MXD1: variants seen among roughly 807,000 people sequenced by gnomAD.
MXD1 encodes MAX-binding protein.
Under a neutral mutation model 25.7 loss-of-function variants are expected in MXD1, and 9 were observed. The observed-to-expected ratio is 0.35, with a 90% CI of 0.21 to 0.61. The LOEUF is 0.61. Ranked by LOEUF, MXD1 falls within the 20% of genes least tolerant of loss-of-function variation. The pLI is 0.75. For synonymous variants in MXD1, 99 were observed against 113.9 expected (o/e 0.87, Z 0.83); for missense variants, 227 against 292.4 (o/e 0.78, Z 1.63).
intron 2 of MXD1, among the ~76,000 whole-genome samples, chr2:69,918,137 C>T (rs143310997): frequency 3.9e-5 from 6 of 152,286 alleles, no homozygotes; most frequent in East Asian, 1.9e-4. Context: ...TGGTTTGAAT[C>T]GGCTTTATAT....
At chr2:69,924,530 G>A (rs1221449230) in intron 3 of MXD1, among the ~76,000 whole-genome samples, 1 of 152,184 alleles carries the variant, frequency 6.6e-6, no homozygotes, top group Non-Finnish European at 1.5e-5. Context: ...TATTAGCATG[G>A]ATGCTTAAGA....
At chr2:69,917,217 G>A (rs868841533) in intron 2 of MXD1, among the ~76,000 whole-genome samples, 11 of 152,256 alleles carry the variant, frequency 7.2e-5, no homozygotes, top group Middle Eastern at 3.4e-3. Flanking sequence ...TTCTTGCTGC[G>A]TCTTCTGTAC....
At chr2:69,922,874 C>T (rs1210186169) in intron 3 of MXD1, among the ~76,000 whole-genome samples, 13 of 115,916 alleles carry the variant, frequency 1.1e-4, no homozygotes, top group African/African-American at 3.5e-4. Flanking sequence ...AGTGAGACTC[C>T]GTCTCAAAAA....
Position 69,937,252 on chromosome 2 carries a change from C to T in MXD1, c.336C>T (p.Asp112=), listed in dbSNP as rs1207689741. 3.7e-6 allele frequency: 6 copies of T among 1,613,884 alleles called. No individual in the cohort carries two copies. Among genetic ancestry groups the T allele is most frequent in the South Asian group, 2.2e-5 (2 of 91,046 alleles). ...KLHIKKLEDC[D]RKAVHQIDQL... ...ACTTGCAGAAACTTGAAGATTGTGA[C>T]AGAAAAGCCGTTCACCAAATCGACC... Residue 112 remains aspartate (D), a synonymous_variant, in exon 5 of 6, where the codon GAC becomes GAT. Transcript: ENST00000264444.
At chr2:69,918,068 TG>T (rs1252399886) in intron 2 of MXD1, among the ~76,000 whole-genome samples, 1 of 152,234 alleles carries the variant, frequency 6.6e-6, no homozygotes, top group Non-Finnish European at 1.5e-5. Context: ...ATGACTCATT[TG>T]GAATAGCTCC....
chr2:69,937,674 G>T (rs1677487024), intron 5 of MXD1, among the ~76,000 whole-genome samples: 2 of 152,188 alleles, frequency 1.3e-5, no homozygotes, highest in Admixed American at 1.3e-4. Context: ...GAGTGCAGTG[G>T]TGTGATCTTG....
At chr2:69,933,955 C>T (rs1677360292) in intron 3 of MXD1, among the ~76,000 whole-genome samples, 2 of 152,204 alleles carry the variant, frequency 1.3e-5, no homozygotes, top group Admixed American at 1.3e-4. Flanking sequence ...TTATCTAAAA[C>T]CTGAAGACTC....
chr2:69,935,741 C>T (rs1314863469), intron 4 of MXD1, among the ~76,000 whole-genome samples: 1 of 152,110 alleles, frequency 6.6e-6, no homozygotes, highest in African/African-American at 2.4e-5. Context: ...TATATCTAGG[C>T]CATCTCCAAG....
intron 3 of MXD1, among the ~76,000 whole-genome samples, chr2:69,925,180 G>A (rs1677146513): frequency 6.6e-6 from 1 of 151,984 alleles, no homozygotes; most frequent in African/African-American, 2.4e-5. Flanking sequence ...CATGGCCTGT[G>A]TTTCTCTGCA....
At chr2:69,935,192 T>C (rs1403963489) in intron 3 of MXD1, among the ~76,000 whole-genome samples, 159 bp from the exon 4 acceptor site, 9 of 152,050 alleles carry the variant, frequency 5.9e-5, no homozygotes, top group Admixed American at 5.9e-4. Flanking sequence ...TTCACCAGAG[T>C]TGTCTGGTTC....
Position 69,937,425 on chromosome 2 carries a change from C to T in MXD1, c.478+31C>T, listed in dbSNP as rs780808511. 7 of 1,557,172 alleles carry T rather than the reference C, an allele frequency of 4.5e-6. No homozygotes were observed. In the African/African-American group the frequency reaches 9.0e-5, roughly 20 times the overall value. The stretch of plus-strand genomic sequence containing the variant: ...CCTCTCTCACTCTCCTCCCTGTCTC[C>T]CTTGTGCTCCCCAACCCCAGAGCAG... On this transcript the variant is annotated intron_variant, in intron 5 of 5. Transcript: ENST00000264444.
At chr2:69,924,360 T>C (rs1000988852) in intron 3 of MXD1, among the ~76,000 whole-genome samples, 1 of 152,228 alleles carries the variant, frequency 6.6e-6, no homozygotes, top group Non-Finnish European at 1.5e-5. Flanking sequence ...AGTTTCCTTC[T>C]TTTCTTTTTT....
intron 2 of MXD1, 68 bp downstream of exon 2, chr2:69,916,288 A>C (rs1404254247): frequency 1.1e-6 from 1 of 941,326 alleles, no homozygotes; most frequent in East Asian, 2.6e-5. Context: ...GCTGAATGTA[A>C]GTTTTCTGTT....
rs756604641 is a variant in MXD1, at chr2:69,942,516, C to T, written c.*4232C>T. 6.6e-6 allele frequency: 1 copy of T among 152,084 alleles called. No homozygotes were observed. The highest frequency in any genetic ancestry group is 1.5e-5 in the Non-Finnish European group (1 of 68,016). 9.4% of individuals were successfully genotyped at this position (152,084 alleles called of 1,614,324 possible). A position where few individuals can be genotyped will look rare whatever the true frequency, so the allele number is the denominator to read the frequency against. Reference sequence around the variant, plus strand: ...ATAAAGTGAGAATTCATAAGGCACCCAATGTTAAGATTTATCCAGATTTTT... The same window carrying T: ...ATAAAGTGAGAATTCATAAGGCACCTAATGTTAAGATTTATCCAGATTTTT... On this transcript the variant is annotated 3_prime_UTR_variant, in exon 6 of 6. Transcript: ENST00000264444.
rs1677639078 is a variant in MXD1, at chr2:69,942,708, A to C, written c.*4424A>C. 1 of 152,236 alleles carries C rather than the reference A, an allele frequency of 6.6e-6. No homozygotes were observed. The highest frequency in any genetic ancestry group is 1.5e-5 in the Non-Finnish European group (1 of 68,036). 9.4% of individuals were successfully genotyped at this position (152,236 alleles called of 1,614,324 possible). On this transcript the variant is annotated 3_prime_UTR_variant, in exon 6 of 6. Transcript: ENST00000264444. ...GGGCCATCTTCCTAATGCTACACAC[A>C]GCCTGACAGGGGAGCAGCAGATGAA... is the stretch of plus-strand genomic sequence containing the variant.
In MXD1 at chr2:69,923,394, T is replaced by A. The variant is rs572360190; in HGVS notation, c.203+1629T>A. Among the ~76,000 whole-genome samples, 4 of 152,242 alleles carry A rather than the reference T, an allele frequency of 2.6e-5. No homozygotes were observed. In the East Asian group the frequency reaches 7.7e-4, roughly 29 times the overall value. On this transcript the variant is annotated intron_variant, in intron 3 of 5. Transcript: ENST00000264444. ...GTGCCCTGCATGAACAAGAAAAGGA[T>A]GTGTAATGATGGCTCTATAAAGACA...
At chr2:69,937,983 G>A (rs1677496364) in intron 5 of MXD1, 114 bp from the exon 6 acceptor site, 1 of 945,258 alleles carries the variant, frequency 1.1e-6, no homozygotes, top group Admixed American at 2.6e-5. Context: ...CTAACCTCAA[G>A]TGATCCACCC....
Position 69,915,227 on chromosome 2 carries a change from G to A in MXD1, c.-104G>A. 1 of 1,051,992 alleles carries A rather than the reference G, an allele frequency of 9.5e-7. No individual in the cohort carries two copies. Among genetic ancestry groups the A allele is most frequent in the Non-Finnish European group, 1.2e-6 (1 of 803,076 alleles). 65.2% of individuals were successfully genotyped at this position (1,051,992 alleles called of 1,614,324 possible). On this transcript the variant is annotated 5_prime_UTR_variant, in exon 1 of 6. Coordinates refer to ENST00000264444, the MANE Select transcript of MXD1 (RefSeq NM_002357.4). The surrounding 1 kb of genome is among the most constrained non-coding windows in gnomAD (Gnocchi z 5.8). ...AGCCCTGCTCCGCGGGGTCCACAGC[G>A]GGCTCCACAGCGGGCTCCATAGCGG... is the stretch of plus-strand genomic sequence containing the variant.
intron 3 of MXD1, among the ~76,000 whole-genome samples, chr2:69,926,411 C>A (rs1362808364): frequency 1.3e-5 from 2 of 151,850 alleles, no homozygotes; most frequent in Admixed American, 6.6e-5. Flanking sequence ...TCTGTGAATT[C>A]CCCAACCCCT....
Sources: allele counts gnomAD v4.1 joint callset (sites outside exome capture counted in the v4.1 genomes callset), GRCh38; gene constraint gnomAD v4.1.1; non-coding constraint Gnocchi (gnomAD v3.1); transcripts MANE v1.5; gene names NCBI Gene and HGNC (gene_info 2026-07-23, HGNC 2026-07-21).